The following KIF13A variants were observed in gnomAD, a reference collection of about 807,000 sequenced individuals.
KIF13A encodes kinesin-like protein KIF13A.
In KIF13A, 79 loss-of-function variants were observed where a neutral mutation model predicts 212.2. The ratio of observed to expected loss-of-function variants is 0.37; its 90% confidence interval spans 0.31 to 0.45. The LOEUF (loss-of-function observed/expected upper bound fraction) is 0.45. Ranked by LOEUF, KIF13A falls within the 20% of genes least tolerant of loss-of-function variation. The pLI is 1.00. For missense variants in KIF13A, 1,901 were observed against 2,209.0 expected, an observed-to-expected ratio of 0.86 and a Z score of 2.79; for synonymous variants, 789 against 808.6, an observed-to-expected ratio of 0.98 and a Z score of 0.41.
chr6:17,825,672 G>C lies in KIF13A; in HGVS notation c.1786+96C>G. ...AGCAGTTTTATGTGTTTAAAATGTG[G>C]AATGCGGAATGACACCTGATGCATG... On this transcript the variant is annotated intron_variant, in intron 16 of 38. Transcript: ENST00000259711. The surrounding 1 kb of genome is among the most constrained non-coding windows in gnomAD (Gnocchi z 4.5). The C allele has an allele frequency of 4.3e-6, 5 of 1,150,412 alleles. No homozygotes were observed. The highest frequency in any genetic ancestry group is 6.2e-6 in the Non-Finnish European group (5 of 801,774). The allele number at this position is 1,150,412 out of a possible 1,614,324, so 71.3% of individuals were successfully genotyped here.
chr6:17,817,291 G>C, intron 16 of KIF13A, 58 bp from the exon 17 acceptor site: 1 of 1,456,498 alleles, frequency 6.9e-7, no homozygotes, highest in Non-Finnish European at 9.6e-7. Flanking sequence ...AAGCATTCAT[G>C]CCAGGCACTG....
chr6:17,876,323 C>T (rs577134366), intron 3 of KIF13A, among the ~76,000 whole-genome samples: 115 of 152,248 alleles, frequency 7.6e-4, no homozygotes, highest in Non-Finnish European at 1.6e-3. Context: ...ATAGGCCCTC[C>T]CAGCCTATTA....
intron 17 of KIF13A, among the ~76,000 whole-genome samples, chr6:17,814,697 G>A (rs1353427267): frequency 6.6e-6 from 1 of 152,190 alleles, no homozygotes; most frequent in African/African-American, 2.4e-5. Flanking sequence ...CTATAAGACA[G>A]GGATAATAGT....
chr6:17,828,111 C>G lies in KIF13A; in HGVS notation c.1532+129G>C. 2.5e-6 allele frequency: 2 copies of G among 794,940 alleles called. No homozygotes were observed. The highest frequency in any genetic ancestry group is 3.9e-6 in the Non-Finnish European group (2 of 519,142). The allele number at this position is 794,940 out of a possible 1,614,324, so 49.2% of individuals were successfully genotyped here. On this transcript the variant is annotated intron_variant, in intron 14 of 38. Coordinates refer to ENST00000259711, the MANE Select transcript of KIF13A (RefSeq NM_022113.6). The surrounding 1 kb of genome is among the most constrained non-coding windows in gnomAD (Gnocchi z 4.3). ...GTAATCACTCTCTACAATCAGAAAG[C>G]AAGGGCCCCCTGAGGACCCCCATGT...
At chr6:17,848,032 A>G (rs10949469) in intron 9 of KIF13A, among the ~76,000 whole-genome samples, 81,226 of 151,704 alleles carry the variant, frequency 0.54, 21,876 homozygotes, top group Admixed American at 0.57. Context: ...GGCTGGTCTC[A>G]AATTCCTGAC....
Position 17,773,469 on chromosome 6 carries a change from C to T in KIF13A, c.4324+9G>A. On this transcript the variant is annotated intron_variant, in intron 36 of 38. Transcript: ENST00000259711. The surrounding 1 kb of genome is among the most constrained non-coding windows in gnomAD (Gnocchi z 4.2). Reference sequence around the variant, plus strand: ...AAGAAATATCACTGCAAAATAATCTCACCACTACCTTCTTTATTCCTTCGA... The same window carrying T: ...AAGAAATATCACTGCAAAATAATCTTACCACTACCTTCTTTATTCCTTCGA... 2 of 1,494,708 alleles carry T rather than the reference C, an allele frequency of 1.3e-6. No individual in the cohort carries two copies. Among genetic ancestry groups the T allele is most frequent in the Non-Finnish European group, 1.9e-6 (2 of 1,074,206 alleles). The allele number at this position is 1,494,708 out of a possible 1,614,324, so 92.6% of individuals were successfully genotyped here. A position where few individuals can be genotyped will look rare whatever the true frequency, so the allele number is the denominator to read the frequency against.
chr6:17,914,488 T>C lies in KIF13A; in HGVS notation c.147-16308A>G, dbSNP rs1774333063. Among the ~76,000 whole-genome samples the C allele has an allele frequency of 6.6e-6, 1 of 152,248 alleles. No individual in the cohort carries two copies. Among genetic ancestry groups the C allele is most frequent in the Non-Finnish European group, 1.5e-5 (1 of 68,034 alleles). On this transcript the variant is annotated intron_variant, in intron 2 of 38. Transcript: ENST00000259711. The surrounding 1 kb of genome is among the most constrained non-coding windows in gnomAD (Gnocchi z 5.9). ...TGTTTACATGGTCTATATGGGCATT[T>C]GCAAAATTAAAATCATACACATGCA... is the stretch of plus-strand genomic sequence containing the variant.
chr6:17,924,074 G>A (rs1775301030), intron 2 of KIF13A, among the ~76,000 whole-genome samples: 1 of 152,022 alleles, frequency 6.6e-6, no homozygotes, highest in African/African-American at 2.4e-5. Context: ...ATATGTACAA[G>A]ACTCTAGAAT....
rs1024086335 is a variant in KIF13A, at chr6:17,840,968, G to A, written c.831-3385C>T. 2.0e-5 allele frequency among the ~76,000 whole-genome samples: 3 copies of A among 152,176 alleles called. No homozygotes were observed. In the East Asian group the frequency reaches 5.8e-4, roughly 29 times the overall value. On this transcript the variant is annotated intron_variant, in intron 9 of 38. Coordinates refer to ENST00000259711, the MANE Select transcript of KIF13A (RefSeq NM_022113.6). Reference sequence around the variant, plus strand: ...AGTACTGTTAACAACTCTTAAAGGTGGAGAAACTTCTGTGTCACAAACTTC... The same window carrying A: ...AGTACTGTTAACAACTCTTAAAGGTAGAGAAACTTCTGTGTCACAAACTTC...
rs1216931794 is a variant in KIF13A at position 17,764,322 on chromosome 6, T to C, written c.5206A>G (p.Thr1736Ala). ...CCCTCTGACACTCCCATAAATTCTGTGAAAGAATGGTCTTCAAGGATGTTG... is the reference window on the plus strand; with the variant it reads ...CCCTCTGACACTCCCATAAATTCTGCGAAAGAATGGTCTTCAAGGATGTTG... ...TTNILEDHSF[T>A]EFMGVSEGKD... The change falls in exon 39 of 39, where the codon ACA (threonine) becomes GCA (alanine). Residue 1736 changes from threonine to alanine, a missense_variant. Physicochemically the swap from Thr to Ala is moderately conservative, Grantham distance 58 (BLOSUM62 0). Coordinates refer to ENST00000259711, the MANE Select transcript of KIF13A (RefSeq NM_022113.6). The surrounding 1 kb of genome is among the most constrained non-coding windows in gnomAD (Gnocchi z 5.1). The C allele has an allele frequency of 1.2e-6, 2 of 1,613,878 alleles. No individual in the cohort carries two copies. The highest frequency in any genetic ancestry group is 1.3e-5 in the African/African-American group (1 of 74,912).
rs529287692 is a variant in KIF13A, at chr6:17,947,917, C to A, written c.146+39137G>T. ...GTATTTCACCTACTCTCAAAGAGTT[C>A]AAAAAATAAATTATATTTTTTCCAC... On this transcript the variant is annotated intron_variant, in intron 2 of 38. Transcript: ENST00000259711. This position sits in a 1 kb window ranked among gnomAD's most constrained non-coding sequence, Gnocchi z 4.6. Among the ~76,000 whole-genome samples, 1 of 151,886 alleles carries A rather than the reference C, an allele frequency of 6.6e-6. No homozygotes were observed. Among genetic ancestry groups the A allele is most frequent in the Non-Finnish European group, 1.5e-5 (1 of 67,986 alleles).
chr6:17,939,351 TAA>T (rs751947475), intron 2 of KIF13A, among the ~76,000 whole-genome samples: 3 of 152,222 alleles, frequency 2.0e-5, no homozygotes, highest in Non-Finnish European at 4.4e-5. Context: ...CAGATAATTA[TAA>T]GTTATACTGT....
chr6:17,760,645 G>C (rs1758542104), downstream of KIF13A: 1 of 589,588 alleles, frequency 1.7e-6, no homozygotes, highest in African/African-American at 1.9e-5. Context: ...AAAAGCAGAG[G>C]CTGTTGATTC....
rs542081912 is a variant in KIF13A, at chr6:17,910,366, A to C, written c.147-12186T>G. 3.3e-5 allele frequency among the ~76,000 whole-genome samples: 5 copies of C among 152,350 alleles called. No individual in the cohort carries two copies. The East Asian group carries it at 9.6e-4, about 29-fold the overall frequency. On this transcript the variant is annotated intron_variant, in intron 2 of 38. Transcript: ENST00000259711. ...AAAAGGTGAAGCAAACACATGGTCT[A>C]TATGTGTATTTCCAAAATTAGAAAC...
Position 17,804,344 on chromosome 6 carries a change from G to A in KIF13A, c.2454+17C>T. ...AACTTGAACCACCATCGTTCTCCAAGGCTGGCCTGTGCTTACCTCCCCCTG... is the reference window on the plus strand; with the variant it reads ...AACTTGAACCACCATCGTTCTCCAAAGCTGGCCTGTGCTTACCTCCCCCTG... On this transcript the variant is annotated intron_variant, in intron 20 of 38. Transcript: ENST00000259711. The A allele has an allele frequency of 6.6e-7, 1 of 1,508,600 alleles. No individual in the cohort carries two copies. Among genetic ancestry groups the A allele is most frequent in the African/African-American group, 1.4e-5 (1 of 72,014 alleles). 93.5% of individuals were successfully genotyped at this position (1,508,600 alleles called of 1,614,324 possible). A position where few individuals can be genotyped will look rare whatever the true frequency, so the allele number is the denominator to read the frequency against.
chr6:17,793,904 C>A (rs1170161221), intron 25 of KIF13A, among the ~76,000 whole-genome samples: 1 of 151,688 alleles, frequency 6.6e-6, no homozygotes, highest in Admixed American at 6.6e-5. Flanking sequence ...CAAAGCAAAA[C>A]CCTATCTTTT....
chr6:17,767,935 A>G (rs904123748), intron 38 of KIF13A, among the ~76,000 whole-genome samples: 8 of 152,214 alleles, frequency 5.3e-5, no homozygotes, highest in African/African-American at 1.9e-4. Context: ...CAAAGCCCCA[A>G]GAGATTAAGT....
At chr6:17,957,591 A>G (rs369520218) in intron 2 of KIF13A, among the ~76,000 whole-genome samples, 1 of 152,178 alleles carries the variant, frequency 6.6e-6, no homozygotes, top group Non-Finnish European at 1.5e-5. Context: ...CAGACTTGTG[A>G]CTGATGTTTA....
At position 17,915,955 on chromosome 6, in the gene KIF13A, A is replaced by AAAAAT. The variant is rs879605366; in HGVS notation, c.147-17780_147-17776dup. Among the ~76,000 whole-genome samples, 12 of 133,004 alleles carry AAAAAT rather than the reference A, an allele frequency of 9.0e-5. No homozygotes were observed. Among genetic ancestry groups the AAAAAT allele is most frequent in the African/African-American group, 2.5e-4 (9 of 35,372 alleles). 87.3% of individuals were successfully genotyped at this position (133,004 alleles called of 152,430 possible). On this transcript the variant is annotated intron_variant, in intron 2 of 38. Coordinates refer to ENST00000259711, the MANE Select transcript of KIF13A (RefSeq NM_022113.6). The surrounding 1 kb of genome is among the most constrained non-coding windows in gnomAD (Gnocchi z 4.4). The stretch of plus-strand genomic sequence containing the variant: ...CAGTCTCAAAAAAAAAAATAAAAAT[A>AAAAAT]AAAATAAAATAAAATAAAATAAATT...
Sources: allele counts gnomAD v4.1 joint callset (sites outside exome capture counted in the v4.1 genomes callset), GRCh38; gene constraint gnomAD v4.1.1; non-coding constraint Gnocchi (gnomAD v3.1); transcripts MANE v1.5; gene names NCBI Gene and HGNC (gene_info 2026-07-23, HGNC 2026-07-21).